Variants in EFCAB5 observed in about 807,000 individuals in gnomAD.
EFCAB5 encodes EF-hand calcium-binding domain-containing protein 5.
EFCAB5 carries 131 observed loss-of-function variants against 167.9 expected under a neutral mutation model. The ratio of observed to expected loss-of-function variants is 0.78; its 90% CI spans 0.68 to 0.90. The LOEUF is 0.90. Ranked by LOEUF, EFCAB5 falls within the 40% of genes least tolerant of loss-of-function variation. EFCAB5 has a pLI of 0.00. For synonymous variants in EFCAB5, 574 were observed against 602.8 expected, an observed-to-expected ratio of 0.95 and a Z score of 0.70; for missense variants, 1,663 against 1,745.2, an observed-to-expected ratio of 0.95 and a Z score of 0.84.
chr17:30,012,977 C>T (rs1323291078), intron 7 of EFCAB5, among the ~76,000 whole-genome samples: 1 of 152,166 alleles, frequency 6.6e-6, no homozygotes, highest in Non-Finnish European at 1.5e-5. Flanking sequence ...AGATACATCC[C>T]ATCAATACCT....
At chr17:30,054,586 C>T (rs948471636) in intron 10 of EFCAB5, among the ~76,000 whole-genome samples, 4 of 152,258 alleles carry the variant, frequency 2.6e-5, no homozygotes, top group Middle Eastern at 6.8e-3. Context: ...CAAGACAGAA[C>T]GCACCCTGCA....
chr17:30,060,715 A>G (rs1401486790), intron 14 of EFCAB5, among the ~76,000 whole-genome samples: 2 of 152,228 alleles, frequency 1.3e-5, no homozygotes, highest in African/African-American at 4.8e-5. Context: ...ACTACCTGGC[A>G]TGTCTTAGGA....
At chr17:30,070,949 CAAAAAAAAAAAAAAAAA>C (rs35019863) in intron 14 of EFCAB5, among the ~76,000 whole-genome samples, 2 of 60,190 alleles carry the variant, frequency 3.3e-5, no homozygotes, top group African/African-American at 6.7e-5. Flanking sequence ...GATTCCATCT[CAAAAAAAAAAAAAAAAA>C]AAAAAAAAAA....
intron 13 of EFCAB5, 52 bp downstream of exon 13, chr17:30,057,942 A>T: frequency 2.0e-6 from 3 of 1,515,984 alleles, no homozygotes; most frequent in Non-Finnish European, 2.7e-6. Context: ...TTATAAGTAA[A>T]TCTCTCAACC....
At chr17:29,980,058 A>T in intron 4 of EFCAB5, among the ~76,000 whole-genome samples, 1 of 151,812 alleles carries the variant, frequency 6.6e-6, no homozygotes, top group East Asian at 1.9e-4. Context: ...AATCCCAACT[A>T]CTCAGGAGGC....
In EFCAB5 at chr17:30,057,759, C is replaced by T. The variant is rs1300585661; in HGVS notation, c.2449C>T (p.Leu817Phe). The T allele has an allele frequency of 6.2e-7, 1 of 1,613,764 alleles. No individual in the cohort carries two copies. Among genetic ancestry groups the T allele is most frequent in the Non-Finnish European group, 8.5e-7 (1 of 1,179,814 alleles). Residue 817 changes from leucine to phenylalanine, a missense_variant, in exon 13 of 23, where the codon CTC becomes TTC. Coordinates refer to ENST00000394835, the MANE Select transcript of EFCAB5 (RefSeq NM_198529.4). Reference sequence around the variant, plus strand: ...CTTCAATGGAGTTTCATTCAATCTGCTCCAGTTTGTGCAACTCCTGGAGAC... The same window carrying T: ...CTTCAATGGAGTTTCATTCAATCTGTTCCAGTTTGTGCAACTCCTGGAGAC... Reference protein sequence around the residue: ...TAFNGVSFNLLQFVQLLETFV... With the variant: ...TAFNGVSFNLFQFVQLLETFV...
intron 4 of EFCAB5, among the ~76,000 whole-genome samples, chr17:29,992,169 A>G (rs1183316885): frequency 6.6e-6 from 1 of 151,534 alleles, no homozygotes; most frequent in Non-Finnish European, 1.5e-5. Flanking sequence ...CCACCATTCT[A>G]CTCTCTGCTT....
chr17:30,075,595 C>T (rs1458883827), intron 14 of EFCAB5, among the ~76,000 whole-genome samples: 6 of 152,216 alleles, frequency 3.9e-5, no homozygotes, highest in Non-Finnish European at 7.3e-5. Flanking sequence ...TGTTGGGCAT[C>T]CATCTCATAC....
intron 14 of EFCAB5, chr17:30,069,012 G>C: frequency 1.4e-6 from 2 of 1,417,156 alleles, no homozygotes; most frequent in Non-Finnish European, 2.0e-6. Context: ...AGCAAGTGAA[G>C]GAGCACAGGA....
intron 22 of EFCAB5, among the ~76,000 whole-genome samples, chr17:30,099,070 T>C (rs1302717360): frequency 6.6e-6 from 1 of 152,246 alleles, no homozygotes; most frequent in Non-Finnish European, 1.5e-5. Flanking sequence ...ATGTAGGTTG[T>C]TTCCACTTTT....
At chr17:29,970,400 G>A (rs566446375) in intron 4 of EFCAB5, among the ~76,000 whole-genome samples, 2 of 151,830 alleles carry the variant, frequency 1.3e-5, no homozygotes, top group South Asian at 4.2e-4. Flanking sequence ...CTTTTCTGAT[G>A]TTTCCTGGCT....
Position 30,080,226 on chromosome 17 carries a change from A to G in EFCAB5, c.3182A>G (p.Asp1061Gly), listed in dbSNP as rs2070956763. 1.3e-6 allele frequency: 2 copies of G among 1,586,466 alleles called. No homozygotes were observed. Among genetic ancestry groups the G allele is most frequent in the Non-Finnish European group, 1.7e-6 (2 of 1,171,766 alleles). ...GTACTGAACAGAGTGCTCTACAGGG[A>G]CATGAAAGGAATCAGGTAAGAACTT... ...QFVLNRVLYR[D>G]MKGISFTVVD... Residue 1061 changes from aspartate to glycine, a missense_variant, in exon 16 of 23, where the codon GAC becomes GGC. Transcript: ENST00000394835.
intron 15 of EFCAB5, among the ~76,000 whole-genome samples, chr17:30,079,665 G>A (rs1754037718): frequency 6.6e-6 from 1 of 151,992 alleles, no homozygotes; most frequent in South Asian, 2.1e-4. Flanking sequence ...CACAGTCGAC[G>A]GTCAAGAAAT....
chr17:30,005,243 C>G (rs2068751699), intron 7 of EFCAB5, among the ~76,000 whole-genome samples: 1 of 152,048 alleles, frequency 6.6e-6, no homozygotes, highest in African/African-American at 2.4e-5. Flanking sequence ...CTTGGTGAGG[C>G]CAAGTCAGGA....
chr17:30,041,210 A>G (rs60850550), intron 8 of EFCAB5, among the ~76,000 whole-genome samples: 33 of 149,976 alleles, frequency 2.2e-4, no homozygotes, highest in African/African-American at 5.7e-4. Flanking sequence ...AAGAAAGGAA[A>G]GAAGGAAGGA....
At chr17:29,932,409 C>G (rs2067208764) in intron 1 of EFCAB5, among the ~76,000 whole-genome samples, 1 of 149,756 alleles carries the variant, frequency 6.7e-6, no homozygotes, top group Non-Finnish European at 1.5e-5. Context: ...CCTCGGCCTC[C>G]CAAAGTGCTA....
upstream of EFCAB5, among the ~76,000 whole-genome samples, chr17:29,941,274 T>G (rs1012057408): frequency 2.0e-5 from 3 of 152,130 alleles, no homozygotes; most frequent in African/African-American, 7.2e-5. Context: ...CTGGTAATTA[T>G]TTATTTTAAT....
intron 7 of EFCAB5, among the ~76,000 whole-genome samples, chr17:30,021,475 T>G (rs1242389113): frequency 6.7e-6 from 1 of 148,426 alleles, no homozygotes; most frequent in Non-Finnish European, 1.5e-5. Flanking sequence ...TACATGTATA[T>G]AAAACAACAC....
intron 8 of EFCAB5, among the ~76,000 whole-genome samples, chr17:30,044,064 TAA>T (rs1488699528): frequency 6.6e-6 from 1 of 152,154 alleles, no homozygotes; most frequent in Non-Finnish European, 1.5e-5. Context: ...TCGGACCATA[TAA>T]AGACTCCTAC....
Sources: gnomAD v4.1 joint callset for allele counts (sites outside exome capture counted in the v4.1 genomes callset) on GRCh38, gnomAD v4.1.1 for gene constraint, MANE v1.5 for transcripts, NCBI Gene and HGNC (gene_info 2026-07-23, HGNC 2026-07-21) for gene names.